PPP4R4: variants seen among roughly 807,000 people sequenced by gnomAD.
PPP4R4 encodes protein phosphatase 4 regulatory subunit 4.
PPP4R4 carries 70 observed loss-of-function variants against 121.8 expected under a neutral mutation model. The ratio of observed to expected loss-of-function variants is 0.57; its 90% CI spans 0.47 to 0.70. The LOEUF (loss-of-function observed/expected upper bound fraction) is 0.70, where lower values mean the gene tolerates loss of function less well. Ranked by LOEUF, PPP4R4 falls within the 30% of genes least tolerant of loss-of-function variation. The pLI, the probability that PPP4R4 is intolerant of heterozygous loss-of-function variation, is 0.00. For synonymous variants in PPP4R4, 348 were observed against 355.7 expected, an observed-to-expected ratio of 0.98 and a Z score of 0.24; for missense variants, 875 against 1,033.6, an observed-to-expected ratio of 0.85 and a Z score of 2.10.
Position 94,240,655 on chromosome 14 carries a change from T to C in PPP4R4, c.854-18T>C, listed in dbSNP as rs756062848. The C allele has an allele frequency of 1.0e-5, 16 of 1,600,128 alleles. No homozygotes were observed. Among genetic ancestry groups the C allele is most frequent in the Non-Finnish European group, 1.4e-5 (16 of 1,174,092 alleles). On this transcript the variant is annotated intron_variant, in intron 8 of 24. Transcript: ENST00000304338. ...ACGACTGAATTTAAAGTATGTATTA[T>C]TTTGTTTTGTTTTCCAGATGACAGA...
At chr14:94,177,241 T>C (rs947052369) in intron 2 of PPP4R4, among the ~76,000 whole-genome samples, 3 of 152,338 alleles carry the variant, frequency 2.0e-5, no homozygotes, top group Middle Eastern at 6.8e-3. Flanking sequence ...TTCTGCATCT[T>C]AGACTTTATG....
intron 3 of PPP4R4, among the ~76,000 whole-genome samples, chr14:94,224,764 A>G (rs1891603751): frequency 6.6e-6 from 1 of 152,174 alleles, no homozygotes; most frequent in South Asian, 2.1e-4. Flanking sequence ...AGGTCTGCCA[A>G]TAAAAAAGTA....
At chr14:94,175,925 G>A (rs761740439) in intron 1 of PPP4R4, 129 bp from the exon 2 acceptor site, 241 of 741,806 alleles carry the variant, frequency 3.2e-4, no homozygotes, top group Non-Finnish European at 5.1e-4. Context: ...TCCTTGATTA[G>A]TTTTCATTGT....
chr14:94,251,594 G>T (rs948636456), intron 15 of PPP4R4, among the ~76,000 whole-genome samples, 155 bp from the exon 16 acceptor site: 1 of 151,978 alleles, frequency 6.6e-6, no homozygotes, highest in African/African-American at 2.4e-5. Flanking sequence ...CAAACCTGAG[G>T]TATATAATAA....
chr14:94,190,484 C>G (rs1334350417), intron 2 of PPP4R4, among the ~76,000 whole-genome samples: 1 of 151,862 alleles, frequency 6.6e-6, no homozygotes, highest in Non-Finnish European at 1.5e-5. Context: ...GCCTGTAGCC[C>G]CAGCTACTCA....
intron 2 of PPP4R4, among the ~76,000 whole-genome samples, chr14:94,176,430 G>C (rs913701593): frequency 2.6e-5 from 4 of 152,122 alleles, no homozygotes; most frequent in Non-Finnish European, 4.4e-5. Context: ...GTAAGATTCA[G>C]TAAGTTTACA....
chr14:94,227,370 C>T (rs1891774734), intron 3 of PPP4R4: 1 of 1,609,094 alleles, frequency 6.2e-7, no homozygotes, highest in African/African-American at 1.3e-5. Flanking sequence ...TGGAGGAGAA[C>T]ACTTACTGGT....
chr14:94,242,570 G>A (rs1359900896), intron 11 of PPP4R4, among the ~76,000 whole-genome samples, 162 bp downstream of exon 11: 1 of 151,162 alleles, frequency 6.6e-6, no homozygotes, highest in Non-Finnish European at 1.5e-5. Flanking sequence ...TTCTTTTTTA[G>A]TATGTTTACT....
intron 24 of PPP4R4, 32 bp downstream of exon 24, chr14:94,275,553 A>T: frequency 6.2e-7 from 1 of 1,609,142 alleles, no homozygotes; most frequent in Non-Finnish European, 8.5e-7. Context: ...GACTGAGTGT[A>T]TTATCCTCCT....
chr14:94,257,312 T>C (rs1893527057), intron 17 of PPP4R4, among the ~76,000 whole-genome samples: 1 of 152,128 alleles, frequency 6.6e-6, no homozygotes, highest in African/African-American at 2.4e-5. Context: ...ATATAACTAA[T>C]ATTTTTATAA....
At chr14:94,234,475 GTGAGT>G (rs1892217910) in intron 6 of PPP4R4, 82 bp from the exon 7 acceptor site, 1 of 770,284 alleles carries the variant, frequency 1.3e-6, no homozygotes, top group African/African-American at 1.8e-5. Flanking sequence ...TATTATTAAG[GTGAGT>G]TAAGATTTTA....
Position 94,240,738 on chromosome 14 carries a change from G to T in PPP4R4, c.919G>T (p.Glu307Ter), listed in dbSNP as rs1208280432. ...SFCEKSFKAD[E>*]SILISLSFHL... ...TTGTGAAAAATCTTTCAAAGCAGATGAATCAATTCTTATTTCTTTATCTTT... is the reference window on the plus strand; with the variant it reads ...TTGTGAAAAATCTTTCAAAGCAGATTAATCAATTCTTATTTCTTTATCTTT... Residue 307 changes from glutamate to a stop codon, truncating the protein, a stop_gained, in exon 9 of 25, where the codon GAA becomes TAA. Transcript: ENST00000304338. LOFTEE classifies it high-confidence loss of function. 6.2e-7 allele frequency: 1 copy of T among 1,607,188 alleles called. No homozygotes were observed. The highest frequency in any genetic ancestry group is 1.1e-5 in the South Asian group (1 of 90,154).
At chr14:94,245,478 T>G in intron 12 of PPP4R4, 109 bp from the exon 13 acceptor site, 1 of 520,820 alleles carries the variant, frequency 1.9e-6, no homozygotes, top group Non-Finnish European at 3.3e-6. Context: ...CAAAATGTTA[T>G]TTGGGGGAAA....
Position 94,185,362 on chromosome 14 carries a change from T to C in PPP4R4, c.191+9235T>C, listed in dbSNP as rs1889214879. On this transcript the variant is annotated intron_variant, in intron 2 of 24. Coordinates refer to ENST00000304338, the MANE Select transcript of PPP4R4 (RefSeq NM_058237.2). ...CTCTACAAAAAAATTTAAGAAATTA[T>C]CCAGGAATGGTGGCTTGTGCCTGTT... is the stretch of plus-strand genomic sequence containing the variant. Among the ~76,000 whole-genome samples the C allele has an allele frequency of 1.3e-5, 2 of 152,056 alleles. 1 individual carries two copies. Among genetic ancestry groups the C allele is most frequent in the South Asian group, 4.2e-4 (2 of 4,812 alleles).
chr14:94,251,914 G>C lies in PPP4R4; in HGVS notation c.1865+18G>C, dbSNP rs1893204646. 6 of 1,542,540 alleles carry C rather than the reference G, an allele frequency of 3.9e-6. No individual in the cohort carries two copies. Among genetic ancestry groups the C allele is most frequent in the Non-Finnish European group, 4.4e-6 (5 of 1,139,858 alleles). On this transcript the variant is annotated intron_variant, in intron 16 of 24. Coordinates refer to ENST00000304338, the MANE Select transcript of PPP4R4 (RefSeq NM_058237.2). ...AATGTGAGGTATGTTATCAATGAAGGAAAATATTGGAAATTGTATTTATTT... is the reference window on the plus strand; with the variant it reads ...AATGTGAGGTATGTTATCAATGAAGCAAAATATTGGAAATTGTATTTATTT...
In PPP4R4 at chr14:94,265,489, T is replaced by G; in HGVS notation, c.2284+16T>G. Reference sequence around the variant, plus strand: ...CCATCGACAAGTAAGAAATAACTTCTTTTTATATCTTTTTGTAATTTTTCT... The same window carrying G: ...CCATCGACAAGTAAGAAATAACTTCGTTTTATATCTTTTTGTAATTTTTCT... On this transcript the variant is annotated intron_variant, in intron 21 of 24. Transcript: ENST00000304338. 1 of 1,568,770 alleles carries G rather than the reference T, an allele frequency of 6.4e-7. No homozygotes were observed. Among genetic ancestry groups the G allele is most frequent in the Non-Finnish European group, 8.8e-7 (1 of 1,139,712 alleles).
intron 19 of PPP4R4, among the ~76,000 whole-genome samples, chr14:94,260,439 A>C (rs1313307656): frequency 1.3e-5 from 2 of 151,992 alleles, no homozygotes; most frequent in Non-Finnish European, 2.9e-5. Flanking sequence ...AAAAAACAAA[A>C]CAAAACAAAA....
Position 94,251,765 on chromosome 14 carries a change from A to C in PPP4R4, c.1734A>C (p.Lys578Asn). ...TGTTTCTAGAATTGGGCCAAGGAAA[A>C]AGTTACTGGAATAGACTTCGATTTT... ...QKLIEQLGQG[K>N]SYWNRLRFLD... is the part of the protein sequence containing the mutation. Residue 578 changes from lysine to asparagine, a missense_variant, in exon 16 of 25, where the codon AAA becomes AAC. Lys to Asn is a moderately conservative substitution (Grantham distance 94, BLOSUM62 0). Transcript: ENST00000304338. The C allele has an allele frequency of 1.3e-6, 2 of 1,553,560 alleles. No homozygotes were observed. The highest frequency in any genetic ancestry group is 1.7e-6 in the Non-Finnish European group (2 of 1,154,718).
chr14:94,234,647 G>C lies in PPP4R4; in HGVS notation c.709G>C (p.Glu237Gln). ...EVRSCMCRQL[E>Q]NIAQGIGTEL... ...TCGATCTTGTATGTGTCGGCAATTAGAAAATATAGCCCAGGGCATTGGGTA... is the reference window on the plus strand; with the variant it reads ...TCGATCTTGTATGTGTCGGCAATTACAAAATATAGCCCAGGGCATTGGGTA... The change falls in exon 7 of 25, where the codon GAA (glutamate) becomes CAA (glutamine). Residue 237 changes from glutamate to glutamine, a missense_variant. Physicochemically the swap from Glu to Gln is conservative, Grantham distance 29 (BLOSUM62 2). Transcript: ENST00000304338. 6.3e-7 allele frequency: 1 copy of C among 1,597,110 alleles called. No individual in the cohort carries two copies. The highest frequency in any genetic ancestry group is 1.1e-5 in the South Asian group (1 of 90,562).
Sources: allele counts gnomAD v4.1 joint callset (sites outside exome capture counted in the v4.1 genomes callset), GRCh38; gene constraint gnomAD v4.1.1; transcripts MANE v1.5; gene names NCBI Gene and HGNC (gene_info 2026-07-23, HGNC 2026-07-21).